GNAQ: variants seen among roughly 807,000 people sequenced by gnomAD.
GNAQ encodes the protein G protein subunit alpha q.
GNAQ carries 8 observed loss-of-function variants against 43.9 expected under a neutral mutation model. That is an observed-to-expected ratio of 0.18 (90% confidence interval 0.11 to 0.33). The LOEUF (loss-of-function observed/expected upper bound fraction) is 0.33. Ranked by LOEUF, GNAQ falls within the 10% of genes least tolerant of loss-of-function variation. The probability of loss-of-function intolerance (pLI) is 1.00; values close to 1 mark genes in which losing one functional copy is unlikely to be tolerated. For synonymous variants in GNAQ, 155 were observed against 170.7 expected, an observed-to-expected ratio of 0.91 and a Z score of 0.71; for missense variants, 158 against 450.8, an observed-to-expected ratio of 0.35 and a Z score of 5.88.
At chr9:77,738,305 G>A (rs1459447242) in intron 5 of GNAQ, among the ~76,000 whole-genome samples, 1 of 126,316 alleles carries the variant, frequency 7.9e-6, no homozygotes, top group Non-Finnish European at 1.8e-5. Context: ...AATGTTAATA[G>A]CACGCTACAA....
At chr9:77,808,848 T>A (rs1490979546) in intron 3 of GNAQ, among the ~76,000 whole-genome samples, 1 of 151,444 alleles carries the variant, frequency 6.6e-6, no homozygotes, top group African/African-American at 2.4e-5. Flanking sequence ...TTCAAAAGCC[T>A]GGAGTAGGCT....
At chr9:77,920,450 G>C (rs1277966341) in intron 2 of GNAQ, among the ~76,000 whole-genome samples, 1 of 152,088 alleles carries the variant, frequency 6.6e-6, no homozygotes, top group African/African-American at 2.4e-5. Context: ...GAATTCATCA[G>C]ATCATCATAT....
chr9:77,919,626 G>A (rs937873087), intron 2 of GNAQ, among the ~76,000 whole-genome samples: 1 of 152,106 alleles, frequency 6.6e-6, no homozygotes, highest in Admixed American at 6.5e-5. Flanking sequence ...TTTAGAACAT[G>A]TATATGATAT....
intron 1 of GNAQ, among the ~76,000 whole-genome samples, chr9:77,978,247 C>A (rs553399021): frequency 6.6e-6 from 1 of 152,082 alleles, no homozygotes; most frequent in Non-Finnish European, 1.5e-5. Flanking sequence ...ACTGACTTAC[C>A]GCCTCCCCCG....
At chr9:78,030,365 C>G (rs1192416546) in intron 1 of GNAQ, 4 of 371,898 alleles carry the variant, frequency 1.1e-5, no homozygotes, top group African/African-American at 8.4e-5. Context: ...CGCCTGTCAC[C>G]ATCCACTGGC....
intron 1 of GNAQ, among the ~76,000 whole-genome samples, chr9:77,937,672 C>G (rs557322882): frequency 6.6e-6 from 1 of 152,244 alleles, no homozygotes; most frequent in East Asian, 1.9e-4. Context: ...GCAGGCGGAT[C>G]ACCAGAGGTC....
rs570857972 is a variant in GNAQ at position 77,981,278 on chromosome 9, A to T, written c.136+49822T>A. Among the ~76,000 whole-genome samples the T allele has an allele frequency of 1.2e-3, 188 of 152,364 alleles. 2 individuals are homozygous for T. The highest frequency in any genetic ancestry group is 4.3e-3 in the African/African-American group (179 of 41,584). On this transcript the variant is annotated intron_variant, in intron 1 of 6. Coordinates refer to ENST00000286548, the MANE Select transcript of GNAQ (RefSeq NM_002072.5). Reference sequence around the variant, plus strand: ...CCTTTAATCAATCAAGACAAAAAAAATAGTATTTAAAATGCTTTTAATCAT... The same window carrying T: ...CCTTTAATCAATCAAGACAAAAAAATTAGTATTTAAAATGCTTTTAATCAT...
chr9:77,832,842 A>C (rs1319607954), intron 2 of GNAQ, among the ~76,000 whole-genome samples: 1 of 152,188 alleles, frequency 6.6e-6, no homozygotes, highest in Non-Finnish European at 1.5e-5. Context: ...CTACACCCCC[A>C]GCTGTAGGCC....
intron 5 of GNAQ, among the ~76,000 whole-genome samples, chr9:77,743,290 A>C (rs181510191): frequency 6.8e-4 from 104 of 152,150 alleles, no homozygotes; most frequent in African/African-American, 1.4e-3. Flanking sequence ...AACAAACAAA[A>C]AAAACAAACA....
At chr9:77,872,875 C>G (rs1156786730) in intron 2 of GNAQ, among the ~76,000 whole-genome samples, 2 of 152,164 alleles carry the variant, frequency 1.3e-5, no homozygotes, top group Admixed American at 6.5e-5. Flanking sequence ...TGATAGTGCA[C>G]TCTCCCTCGG....
At chr9:77,733,658 G>A (rs1423473366) in intron 5 of GNAQ, among the ~76,000 whole-genome samples, 1 of 152,146 alleles carries the variant, frequency 6.6e-6, no homozygotes, top group Non-Finnish European at 1.5e-5. Flanking sequence ...ACGGTTCAGT[G>A]GACACATAAG....
intron 1 of GNAQ, among the ~76,000 whole-genome samples, chr9:77,944,149 A>C (rs1829354112): frequency 6.6e-6 from 1 of 152,148 alleles, no homozygotes; most frequent in Non-Finnish European, 1.5e-5. Flanking sequence ...CATACATAAT[A>C]TTAACAATAG....
At chr9:77,954,309 T>A (rs1823016142) in intron 1 of GNAQ, among the ~76,000 whole-genome samples, 1 of 152,248 alleles carries the variant, frequency 6.6e-6, no homozygotes, top group Non-Finnish European at 1.5e-5. Context: ...AGAATTCCTG[T>A]TAAGGAGAAG....
chr9:77,970,215 AT>A (rs1211272486), intron 1 of GNAQ, among the ~76,000 whole-genome samples: 1 of 151,296 alleles, frequency 6.6e-6, no homozygotes, highest in Admixed American at 6.6e-5. Context: ...GCAAGACTCC[AT>A]CTCCACAAAA....
chr9:77,736,126 T>C (rs2118243243), intron 5 of GNAQ, among the ~76,000 whole-genome samples: 1 of 152,312 alleles, frequency 6.6e-6, no homozygotes, highest in East Asian at 1.9e-4. Flanking sequence ...CGTTATCAAA[T>C]CCAGGCACAT....
chr9:77,884,409 T>A (rs1450384858), intron 2 of GNAQ, among the ~76,000 whole-genome samples: 5 of 152,194 alleles, frequency 3.3e-5, no homozygotes, highest in African/African-American at 1.2e-4. Flanking sequence ...TGCAAACGAC[T>A]ATTAGGAAAC....
intron 5 of GNAQ, among the ~76,000 whole-genome samples, chr9:77,776,614 G>C (rs913424823): frequency 6.6e-5 from 10 of 152,126 alleles, no homozygotes; most frequent in Admixed American, 2.0e-4. Context: ...AAAACTGAAA[G>C]AAGAAACAGA....
At chr9:78,012,627 T>C (rs903956695) in intron 1 of GNAQ, among the ~76,000 whole-genome samples, 1 of 152,162 alleles carries the variant, frequency 6.6e-6, no homozygotes. Context: ...AATAAAAGCA[T>C]ATAATTAAAT....
chr9:77,862,405 C>A (rs923992759), intron 2 of GNAQ, among the ~76,000 whole-genome samples: 1 of 152,188 alleles, frequency 6.6e-6, no homozygotes, highest in Non-Finnish European at 1.5e-5. Context: ...GGTTCCCAAA[C>A]CTCAATTCTT....
Sources: gnomAD v4.1 joint callset for allele counts (sites outside exome capture counted in the v4.1 genomes callset) on GRCh38, gnomAD v4.1.1 for gene constraint, MANE v1.5 for transcripts, NCBI Gene and HGNC (gene_info 2026-07-23, HGNC 2026-07-21) for gene names.